GPC6: variants seen among roughly 807,000 people sequenced by gnomAD.
The protein encoded by GPC6 is glypican 6, also known as glypican-6.
GPC6 carries 14 observed loss-of-function variants against 55.2 expected under a neutral mutation model. The ratio of observed to expected loss-of-function variants is 0.25; its 90% CI spans 0.17 to 0.40. The LOEUF (loss-of-function observed/expected upper bound fraction) is 0.40. GPC6 is among the 10% of genes least tolerant of loss of function. The pLI is 1.00. For synonymous variants in GPC6, 278 were observed against 259.6 expected, an observed-to-expected ratio of 1.07 and a Z score of -0.68; for missense variants, 641 against 708.5, an observed-to-expected ratio of 0.90 and a Z score of 1.08.
chr13:94,008,829 C>T (rs771176419), intron 3 of GPC6, among the ~76,000 whole-genome samples: 15 of 152,040 alleles, frequency 9.9e-5, no homozygotes, highest in Non-Finnish European at 2.1e-4. Context: ...GCAGGTTTTT[C>T]TTTAACAGTT....
chr13:93,904,094 G>A (rs1594574678), intron 3 of GPC6, among the ~76,000 whole-genome samples: 1 of 152,124 alleles, frequency 6.6e-6, no homozygotes, highest in East Asian at 1.9e-4. Flanking sequence ...ACAGGATGAG[G>A]TTAAGTGCAG....
chr13:93,460,479 C>T (rs180747367), intron 1 of GPC6, among the ~76,000 whole-genome samples: 6 of 152,256 alleles, frequency 3.9e-5, no homozygotes, highest in Admixed American at 3.9e-4. Context: ...AACACATTTA[C>T]TGCATTTAAT....
At chr13:94,398,331 C>T (rs1880983354) in intron 7 of GPC6, 135 bp from the exon 8 acceptor site, 2 of 674,772 alleles carry the variant, frequency 3.0e-6, no homozygotes, top group Admixed American at 2.4e-5. Context: ...ATTTTTTTTC[C>T]AGGAACTAGA....
chr13:94,386,989 A>C (rs967448974), intron 7 of GPC6, among the ~76,000 whole-genome samples: 40 of 152,218 alleles, frequency 2.6e-4, no homozygotes, highest in African/African-American at 9.6e-4. Context: ...CTTACAGTAG[A>C]TATGTCTATT....
At chr13:93,545,172 G>A in intron 1 of GPC6, 91 bp from the exon 2 acceptor site, 3 of 1,110,438 alleles carry the variant, frequency 2.7e-6, no homozygotes, top group East Asian at 4.8e-5. Flanking sequence ...CAAGCACCCT[G>A]AGATTTGAGC....
At chr13:93,278,075 C>A (rs1032406170) in intron 1 of GPC6, among the ~76,000 whole-genome samples, 9 of 151,992 alleles carry the variant, frequency 5.9e-5, no homozygotes, top group Non-Finnish European at 2.9e-5. Context: ...TGCTGGTAAA[C>A]CTTATATTTG....
intron 2 of GPC6, 76 bp downstream of exon 2, chr13:93,545,497 A>T: frequency 7.9e-7 from 1 of 1,270,072 alleles, no homozygotes; most frequent in Non-Finnish European, 1.2e-6. Context: ...TATGAAAAAT[A>T]TTTTTTTAAA....
chr13:93,319,903 T>C (rs1879375788), intron 1 of GPC6, among the ~76,000 whole-genome samples: 1 of 152,118 alleles, frequency 6.6e-6, no homozygotes, highest in South Asian at 2.1e-4. Flanking sequence ...ACATGGAGCA[T>C]AGTGGAAACT....
At chr13:93,952,644 T>A (rs1455323902) in intron 3 of GPC6, among the ~76,000 whole-genome samples, 1 of 151,590 alleles carries the variant, frequency 6.6e-6, no homozygotes, top group Non-Finnish European at 1.5e-5. Flanking sequence ...TATGTATGTG[T>A]CTGTATATAT....
intron 1 of GPC6, among the ~76,000 whole-genome samples, chr13:93,277,906 C>T (rs549800507): frequency 2.6e-5 from 4 of 152,078 alleles, no homozygotes; most frequent in South Asian, 2.1e-4. Context: ...AGAGTTTAGT[C>T]CCTTGATGCT....
intron 4 of GPC6, among the ~76,000 whole-genome samples, chr13:94,266,717 A>G (rs1361069721): frequency 6.6e-6 from 1 of 152,204 alleles, no homozygotes; most frequent in Non-Finnish European, 1.5e-5. Context: ...ATCACACTGA[A>G]TGATAATTGC....
rs144288118 is a variant in GPC6, at chr13:93,818,331, T to C, written c.320-11823T>C. 1.3e-4 allele frequency: 20 copies of C among 152,244 alleles called. No homozygotes were observed. The East Asian group carries it at 2.7e-3, about 21-fold the overall frequency. 9.4% of individuals were successfully genotyped at this position (152,244 alleles called of 1,614,324 possible). A position where few individuals can be genotyped will look rare whatever the true frequency, so the allele number is the denominator to read the frequency against. On this transcript the variant is annotated intron_variant, in intron 2 of 8. Transcript: ENST00000377047. ...GCCAGTTTTTGATGGACCAGAAAGATATAACCTAAAAACTTAGCTTTCAAT... is the reference window on the plus strand; with the variant it reads ...GCCAGTTTTTGATGGACCAGAAAGACATAACCTAAAAACTTAGCTTTCAAT...
At chr13:94,221,246 A>G (rs1377915308) in intron 4 of GPC6, among the ~76,000 whole-genome samples, 4 of 152,128 alleles carry the variant, frequency 2.6e-5, no homozygotes, top group Admixed American at 2.0e-4. Context: ...TTCACCACTT[A>G]AATGGTCCTG....
At chr13:94,267,216 T>C (rs1891845409) in intron 4 of GPC6, among the ~76,000 whole-genome samples, 1 of 152,094 alleles carries the variant, frequency 6.6e-6, no homozygotes, top group African/African-American at 2.4e-5. Context: ...CCAGTCAATA[T>C]AATTTTGTAA....
intron 4 of GPC6, among the ~76,000 whole-genome samples, chr13:94,204,171 C>T (rs1020668143): frequency 1.3e-5 from 2 of 151,670 alleles, no homozygotes; most frequent in African/African-American, 4.8e-5. Context: ...CAAAAAGCAA[C>T]TTCAAATCCT....
In GPC6 at chr13:94,032,377, C is replaced by T. The variant is rs184534586; in HGVS notation, c.877+4483C>T. On this transcript the variant is annotated intron_variant, in intron 4 of 8. Coordinates refer to ENST00000377047, the MANE Select transcript of GPC6 (RefSeq NM_005708.5). ...TCAGCGGGGAGTCAGAGAAGCCCTACTTTGTTAAGTGTAGAATAAAATAGC... is the reference window on the plus strand; with the variant it reads ...TCAGCGGGGAGTCAGAGAAGCCCTATTTTGTTAAGTGTAGAATAAAATAGC... Among the ~76,000 whole-genome samples, 46 of 152,210 alleles carry T rather than the reference C, an allele frequency of 3.0e-4. No individual in the cohort carries two copies. In the East Asian group the frequency reaches 8.9e-3, roughly 30 times the overall value.
rs1879214556 is a variant in GPC6 at position 93,473,897 on chromosome 13, T to G, written c.161-71366T>G. On this transcript the variant is annotated intron_variant, in intron 1 of 8. Transcript: ENST00000377047. Reference sequence around the variant, plus strand: ...TAGGTCCCACCTGGCTATGTGAAGGTGGGGGTGGTGTGGTTGGCTGTGTAG... The same window carrying G: ...TAGGTCCCACCTGGCTATGTGAAGGGGGGGGTGGTGTGGTTGGCTGTGTAG... 2.6e-5 allele frequency among the ~76,000 whole-genome samples: 4 copies of G among 152,032 alleles called. No homozygotes were observed. The South Asian group carries it at 8.3e-4, about 32-fold the overall frequency.
intron 2 of GPC6, among the ~76,000 whole-genome samples, chr13:93,760,910 G>A (rs1422111907): frequency 2.0e-5 from 3 of 152,118 alleles, no homozygotes; most frequent in Non-Finnish European, 2.9e-5. Flanking sequence ...GTAAATTGTT[G>A]CTATTGTTCT....
intron 6 of GPC6, among the ~76,000 whole-genome samples, chr13:94,314,959 G>A (rs763417365): frequency 1.3e-5 from 2 of 152,092 alleles, no homozygotes; most frequent in Non-Finnish European, 2.9e-5. Flanking sequence ...CAGATGAAAA[G>A]GAACCCATCT....
Sources: allele counts gnomAD v4.1 joint callset (sites outside exome capture counted in the v4.1 genomes callset), GRCh38; gene constraint gnomAD v4.1.1; transcripts MANE v1.5; gene names NCBI Gene and HGNC (gene_info 2026-07-23, HGNC 2026-07-21).